CHD9: variants seen among roughly 807,000 people sequenced by gnomAD.
CHD9 encodes chromodomain helicase DNA binding protein 9.
CHD9 carries 77 observed loss-of-function variants against 316.1 expected under a neutral mutation model. The observed-to-expected ratio is 0.24, with a 90% CI of 0.20 to 0.29. The LOEUF (loss-of-function observed/expected upper bound fraction) is 0.29. Ranked by LOEUF, CHD9 falls within the 10% of genes least tolerant of loss-of-function variation. The pLI is 1.00. For missense variants in CHD9, 2,763 were observed against 3,438.1 expected (o/e 0.80, Z 4.91); for synonymous variants, 1,129 against 1,158.3 (o/e 0.97, Z 0.51).
chr16:53,254,988 G>C (rs1225272580), intron 18 of CHD9, among the ~76,000 whole-genome samples: 1 of 151,686 alleles, frequency 6.6e-6, no homozygotes, highest in Non-Finnish European at 1.5e-5. Context: ...TTTCGCTCAA[G>C]GTTCTTGCCT....
Position 53,324,091 on chromosome 16 carries a change from G to T in CHD9, c.7890G>T (p.Arg2630=), listed in dbSNP as rs2057437540. 1 of 1,613,966 alleles carries T rather than the reference G, an allele frequency of 6.2e-7. No homozygotes were observed. Among genetic ancestry groups the T allele is most frequent in the Non-Finnish European group, 8.5e-7 (1 of 1,179,868 alleles). The change falls in exon 39 of 39, where the codon CGG becomes CGT. Residue 2630 remains arginine, a synonymous_variant. Coordinates refer to ENST00000447540, the MANE Select transcript of CHD9 (RefSeq NM_001308319.2). ...GPVVREEVSR[R]GRRPKSGIAK... is the part of the protein sequence containing the mutation. ...TTGTGAGAGAGGAAGTAAGCAGGCG[G>T]GGGAGACGGCCTAAAAGTGGAATTG... is the stretch of plus-strand genomic sequence containing the variant.
chr16:53,249,679 T>C (rs537553458), intron 16 of CHD9, among the ~76,000 whole-genome samples, 192 bp from the exon 17 acceptor site: 72 of 152,344 alleles, frequency 4.7e-4, no homozygotes, highest in African/African-American at 1.6e-3. Context: ...TTTGTATCTT[T>C]ATATTAGTTT....
At position 53,156,078 on chromosome 16, in the gene CHD9, A is replaced by T; in HGVS notation, c.-12A>T. On this transcript the variant is annotated 5_prime_UTR_variant, in exon 2 of 39. Transcript: ENST00000447540. ...TGGAGTGAACAGCCCGGATTGTTAC[A>T]GAATTTTCAAGATGACAGATCCAAT... The T allele has an allele frequency of 1.2e-6, 2 of 1,606,354 alleles. No individual in the cohort carries two copies. The highest frequency in any genetic ancestry group is 2.2e-5 in the South Asian group (2 of 89,662).
intron 19 of CHD9, among the ~76,000 whole-genome samples, chr16:53,258,231 T>C (rs917964081): frequency 9.9e-5 from 15 of 152,182 alleles, no homozygotes; most frequent in African/African-American, 3.6e-4. Context: ...ATAATCGTAC[T>C]TGGCCTTTCC....
At chr16:53,166,106 T>C (rs1340746759) in intron 2 of CHD9, among the ~76,000 whole-genome samples, 1 of 152,220 alleles carries the variant, frequency 6.6e-6, no homozygotes. Flanking sequence ...TTCTTGGTTT[T>C]GTTATTTCTG....
chr16:53,258,889 T>C (rs1017110851), intron 19 of CHD9, among the ~76,000 whole-genome samples: 16 of 152,276 alleles, frequency 1.1e-4, no homozygotes, highest in African/African-American at 3.8e-4. Context: ...TTGAATTGCT[T>C]AATTTACAAA....
In CHD9 at chr16:53,304,169, G is replaced by A. The variant is rs2055705591; in HGVS notation, c.6163G>A (p.Glu2055Lys). The A allele has an allele frequency of 1.2e-6, 2 of 1,612,562 alleles. No individual in the cohort carries two copies. The highest frequency in any genetic ancestry group is 1.3e-5 in the African/African-American group (1 of 74,908). The change falls in exon 31 of 39, where the codon GAG becomes AAG. Residue 2055 changes from glutamate to lysine, a missense_variant. This residue lies in a region of CHD9 where 663 missense variants were observed against 751.2 expected (regional missense o/e 0.88). Coordinates refer to ENST00000447540, the MANE Select transcript of CHD9 (RefSeq NM_001308319.2). ...MKVKSENLKE[E>K]PQSSEEESMS... ...AGTTAAAAGTGAAAACCTTAAAGAGGAGCCTCAGTCTTCTGAAGAAGAATC... is the reference window on the plus strand; with the variant it reads ...AGTTAAAAGTGAAAACCTTAAAGAGAAGCCTCAGTCTTCTGAAGAAGAATC...
At chr16:53,129,751 T>C (rs912725648) in intron 1 of CHD9, among the ~76,000 whole-genome samples, 3 of 152,248 alleles carry the variant, frequency 2.0e-5, no homozygotes, top group Admixed American at 2.0e-4. Context: ...TTAATTCTTT[T>C]GTCTAGCTCA....
intron 16 of CHD9, 34 bp downstream of exon 16, chr16:53,247,537 A>G: frequency 1.4e-6 from 2 of 1,380,814 alleles, no homozygotes; most frequent in Non-Finnish European, 2.0e-6. Context: ...GAATTATGCT[A>G]AGTATATGCT....
chr16:53,070,495 T>C (rs905361570), intron 1 of CHD9, among the ~76,000 whole-genome samples: 1 of 134,100 alleles, frequency 7.5e-6, no homozygotes, highest in African/African-American at 2.8e-5. Flanking sequence ...TTTCTTTCCT[T>C]CCTTCCTTCC....
chr16:53,055,804 C>T (rs899474734), intron 1 of CHD9, among the ~76,000 whole-genome samples: 2 of 152,140 alleles, frequency 1.3e-5, no homozygotes, highest in African/African-American at 4.8e-5. Context: ...AGGGCTGGTT[C>T]TGAAAGGGTT....
intron 2 of CHD9, among the ~76,000 whole-genome samples, chr16:53,172,419 C>T (rs567000393): frequency 1.3e-5 from 2 of 152,186 alleles, no homozygotes; most frequent in East Asian, 1.9e-4. Context: ...ATAATTTGTT[C>T]GTTCACCTGA....
rs1179504479 is a variant in CHD9, at chr16:53,293,047, G to A, written c.5505G>A (p.Gln1835=). The change falls in exon 29 of 39, where the codon CAG becomes CAA. Residue 1835 remains glutamine, a synonymous_variant. Coordinates refer to ENST00000447540, the MANE Select transcript of CHD9 (RefSeq NM_001308319.2). ...AAATGGCAGCCAAGATAGAAAGACAGCAAAGGTAAGACAATAACACTAAAT... is the reference window on the plus strand; with the variant it reads ...AAATGGCAGCCAAGATAGAAAGACAACAAAGGTAAGACAATAACACTAAAT... ...NPKMAAKIER[Q]QRWTRREEAD... is the part of the protein sequence containing the mutation. 1 of 1,609,770 alleles carries A rather than the reference G, an allele frequency of 6.2e-7. No homozygotes were observed. The highest frequency in any genetic ancestry group is 1.7e-5 in the Admixed American group (1 of 59,276).
Position 53,327,208 on chromosome 16 carries a change from A to G in CHD9, c.*2313A>G, listed in dbSNP as rs1363866963. ...TAGAATTACATAATACTAAAGTTGC[A>G]GTTGAAAGAATATCCAAGTATGTGT... is the stretch of plus-strand genomic sequence containing the variant. On this transcript the variant is annotated 3_prime_UTR_variant, in exon 39 of 39. Transcript: ENST00000447540. The G allele has an allele frequency of 2.0e-5, 3 of 152,538 alleles. No individual in the cohort carries two copies. Among genetic ancestry groups the G allele is most frequent in the Non-Finnish European group, 4.4e-5 (3 of 67,966 alleles). 9.4% of individuals were successfully genotyped at this position (152,538 alleles called of 1,614,324 possible).
At chr16:53,241,279 C>T (rs2049059931) in intron 12 of CHD9, among the ~76,000 whole-genome samples, 1 of 152,202 alleles carries the variant, frequency 6.6e-6, no homozygotes, top group African/African-American at 2.4e-5. Flanking sequence ...CCTACATCAC[C>T]ACTTATTGTT....
intron 2 of CHD9, among the ~76,000 whole-genome samples, chr16:53,185,524 C>A (rs920228269): frequency 3.9e-5 from 6 of 152,148 alleles, no homozygotes; most frequent in African/African-American, 1.4e-4. Context: ...AAAAAAGTAA[C>A]CCATTTTCTG....
intron 35 of CHD9, 34 bp from the exon 36 acceptor site, chr16:53,314,789 G>A: frequency 1.4e-6 from 2 of 1,438,234 alleles, no homozygotes; most frequent in East Asian, 2.3e-5. Flanking sequence ...GATAAAGTAT[G>A]AAAATAAAGA....
At chr16:53,119,011 C>G (rs1490342148) in intron 1 of CHD9, among the ~76,000 whole-genome samples, 1 of 151,936 alleles carries the variant, frequency 6.6e-6, no homozygotes, top group African/African-American at 2.4e-5. Flanking sequence ...AGGCTGGTCT[C>G]GAACTCCTGA....
chr16:53,107,382 C>T (rs2037438701), intron 1 of CHD9, among the ~76,000 whole-genome samples: 1 of 151,748 alleles, frequency 6.6e-6, no homozygotes, highest in South Asian at 2.1e-4. Flanking sequence ...ATTGCTTGAA[C>T]CCGGGAGGTG....
Sources: allele counts gnomAD v4.1 joint callset (sites outside exome capture counted in the v4.1 genomes callset), GRCh38; gene constraint gnomAD v4.1.1; regional missense constraint gnomAD v4.1.1; transcripts MANE v1.5; gene names NCBI Gene and HGNC (gene_info 2026-07-23, HGNC 2026-07-21).